Variants in SEC24D observed in about 807,000 individuals in gnomAD.
SEC24D encodes the protein protein transport protein Sec24D.
Under a neutral mutation model 116.9 loss-of-function variants are expected in SEC24D, and 69 were observed. The ratio of observed to expected loss-of-function variants is 0.59; its 90% confidence interval spans 0.49 to 0.72. The LOEUF is 0.72. Among genes scored for constraint, SEC24D ranks in the 30% least tolerant of loss-of-function variants. SEC24D has a pLI of 0.00. For synonymous variants in SEC24D, 405 were observed against 442.8 expected, an observed-to-expected ratio of 0.91 and a Z score of 1.07; for missense variants, 1,131 against 1,264.1, an observed-to-expected ratio of 0.89 and a Z score of 1.60.
intron 15 of SEC24D, among the ~76,000 whole-genome samples, chr4:118,743,251 C>T: frequency 6.6e-6 from 1 of 152,006 alleles, no homozygotes; most frequent in Admixed American, 6.6e-5. Context: ...TGAAAGCTCA[C>T]ATTGATATTT....
At chr4:118,747,714 T>C (rs187272933) in intron 13 of SEC24D, among the ~76,000 whole-genome samples, 157 of 152,318 alleles carry the variant, frequency 1.0e-3, no homozygotes, top group African/African-American at 3.6e-3. Context: ...AAAATTCTAT[T>C]CATTTAGACA....
At chr4:118,747,854 C>T (rs968369369) in intron 13 of SEC24D, among the ~76,000 whole-genome samples, 4 of 152,158 alleles carry the variant, frequency 2.6e-5, no homozygotes. Flanking sequence ...TTCTCTAATT[C>T]TCAATTATCC....
chr4:118,829,578 C>T (rs562978404), intron 2 of SEC24D, among the ~76,000 whole-genome samples: 15 of 151,980 alleles, frequency 9.9e-5, no homozygotes, highest in Non-Finnish European at 1.3e-4. Flanking sequence ...TTTGAGAGGC[C>T]GAGGCGGGTG....
chr4:118,736,827 AATC>A (rs1725987392), intron 19 of SEC24D, among the ~76,000 whole-genome samples: 1 of 152,254 alleles, frequency 6.6e-6, no homozygotes, highest in African/African-American at 2.4e-5. Context: ...GAAAATTTAT[AATC>A]ATAATGTTTT....
chr4:118,742,971 A>G (rs1272018751), intron 15 of SEC24D, among the ~76,000 whole-genome samples: 1 of 152,094 alleles, frequency 6.6e-6, no homozygotes, highest in Non-Finnish European at 1.5e-5. Context: ...AGGGGTCCAC[A>G]GGAGAAACTC....
rs71954957 is a variant in SEC24D, at chr4:118,804,885, T to TACACAC, written c.913+952_913+957dup. Among the ~76,000 whole-genome samples the TACACAC allele has an allele frequency of 3.2e-3, 447 of 140,996 alleles. 5 individuals are homozygous for TACACAC. Among genetic ancestry groups the TACACAC allele is most frequent in the African/African-American group, 8.5e-3 (318 of 37,380 alleles). 92.5% of individuals were successfully genotyped at this position (140,996 alleles called of 152,430 possible). On this transcript the variant is annotated intron_variant, in intron 7 of 22. Coordinates refer to ENST00000280551, the MANE Select transcript of SEC24D (RefSeq NM_014822.4). ...AAGCATACTTATGTGTATGCATGCATACACACACACACACACACACACACA... is the reference window on the plus strand; with the variant it reads ...AAGCATACTTATGTGTATGCATGCATACACACACACACACACACACACACACACACA...
chr4:118,772,130 A>G (rs1560671425), intron 8 of SEC24D, among the ~76,000 whole-genome samples: 1 of 152,180 alleles, frequency 6.6e-6, no homozygotes, highest in Non-Finnish European at 1.5e-5. Flanking sequence ...TTGTTTTGGC[A>G]TCTATATTAT....
intron 18 of SEC24D, 115 bp downstream of exon 18, chr4:118,739,034 G>A: frequency 2.1e-6 from 2 of 935,702 alleles, no homozygotes; most frequent in Non-Finnish European, 3.4e-6. Flanking sequence ...GCTTTTATTA[G>A]TTCTGAATTT....
intron 8 of SEC24D, among the ~76,000 whole-genome samples, chr4:118,797,119 C>A (rs1307697363): frequency 2.6e-5 from 4 of 152,188 alleles, no homozygotes; most frequent in Non-Finnish European, 5.9e-5. Context: ...CTGGCAGCAT[C>A]CTGACACTGC....
chr4:118,752,181 CAT>C, intron 12 of SEC24D, 92 bp from the exon 13 acceptor site: 1 of 823,218 alleles, frequency 1.2e-6, no homozygotes, highest in Non-Finnish European at 2.0e-6. Flanking sequence ...AGCCTAAACA[CAT>C]ATGGTATTTA....
Position 118,775,820 on chromosome 4 carries a change from A to G in SEC24D, c.1042-7509T>C, listed in dbSNP as rs10018497. On this transcript the variant is annotated intron_variant, in intron 8 of 22. Transcript: ENST00000280551. ...GCAAATTCTATCACGTTTTACCAAT[A>G]TCATGAAGAGTTTTTAGAATTTTTG... Among the ~76,000 whole-genome samples the G allele has an allele frequency of 7.4e-3, 1,132 of 152,316 alleles. 16 individuals are homozygous for G. The highest frequency in any genetic ancestry group is 0.025 in the African/African-American group (1,044 of 41,570).
rs1325039164 is a variant in SEC24D at position 118,740,866 on chromosome 4, T to G, written c.2093-58A>C. On this transcript the variant is annotated intron_variant, in intron 16 of 22. Coordinates refer to ENST00000280551, the MANE Select transcript of SEC24D (RefSeq NM_014822.4). The stretch of plus-strand genomic sequence containing the variant: ...GTCTTTATTCTACTGTTATTTTCTT[T>G]GTTGGCCTGTTATTAATTTGAAAAA... 5 of 1,602,492 alleles carry G rather than the reference T, an allele frequency of 3.1e-6. No homozygotes were observed. In the East Asian group the frequency reaches 1.1e-4, roughly 36 times the overall value.
intron 8 of SEC24D, among the ~76,000 whole-genome samples, chr4:118,785,173 T>A (rs1728616024): frequency 6.6e-6 from 1 of 152,186 alleles, no homozygotes; most frequent in Non-Finnish European, 1.5e-5. Context: ...AAATATGGCA[T>A]TTGAATACAA....
At chr4:118,799,665 C>T (rs765994274) in intron 7 of SEC24D, among the ~76,000 whole-genome samples, 3 of 152,082 alleles carry the variant, frequency 2.0e-5, no homozygotes, top group East Asian at 1.9e-4. Context: ...AAGGATGAAA[C>T]GAGGAGCCTA....
chr4:118,764,716 A>G, intron 10 of SEC24D, 86 bp downstream of exon 10: 1 of 768,816 alleles, frequency 1.3e-6, no homozygotes, highest in Non-Finnish European at 2.2e-6. Flanking sequence ...TTGTTTGTGA[A>G]TCAAGAGTCA....
chr4:118,774,304 T>G (rs1728040260), intron 8 of SEC24D, among the ~76,000 whole-genome samples: 1 of 152,160 alleles, frequency 6.6e-6, no homozygotes, highest in South Asian at 2.1e-4. Context: ...TTTTTATTTT[T>G]GGGTTTCTTT....
At chr4:118,828,629 C>T (rs566659994) in intron 2 of SEC24D, among the ~76,000 whole-genome samples, 231 of 152,228 alleles carry the variant, frequency 1.5e-3, no homozygotes, top group African/African-American at 4.9e-3. Flanking sequence ...CCTCCCCCAA[C>T]GAAGAATTAA....
At chr4:118,810,398 G>T (rs1467945599) in intron 6 of SEC24D, among the ~76,000 whole-genome samples, 1 of 152,046 alleles carries the variant, frequency 6.6e-6, no homozygotes, top group East Asian at 1.9e-4. Context: ...ATTAGCTAAA[G>T]AACTAAATAT....
Position 118,820,214 on chromosome 4 carries a change from CT to C in SEC24D, c.249-2803del, listed in dbSNP as rs1300318047. The stretch of plus-strand genomic sequence containing the variant: ...TTTTTTTTTGAGACGGAGTTTCGCT[CT>C]TGTCGCCCAGGCTGGAGTAAAATGG... On this transcript the variant is annotated intron_variant, in intron 3 of 22. Coordinates refer to ENST00000280551, the MANE Select transcript of SEC24D (RefSeq NM_014822.4). Among the ~76,000 whole-genome samples, 178 of 139,430 alleles carry C rather than the reference CT, an allele frequency of 1.3e-3. 1 individual carries two copies. The highest frequency in any genetic ancestry group is 4.8e-3 in the African/African-American group (177 of 36,944). 91.5% of individuals were successfully genotyped at this position (139,430 alleles called of 152,430 possible).
Sources: gnomAD v4.1 joint callset for allele counts (sites outside exome capture counted in the v4.1 genomes callset) on GRCh38, gnomAD v4.1.1 for gene constraint, MANE v1.5 for transcripts, NCBI Gene and HGNC (gene_info 2026-07-23, HGNC 2026-07-21) for gene names.